ZMYM2: variants seen among roughly 807,000 people sequenced by gnomAD.
ZMYM2 encodes the protein zinc finger MYM-type containing 2, also known as zinc finger MYM-type protein 2.
ZMYM2 carries 56 observed loss-of-function variants against 162.8 expected under a neutral mutation model. The ratio of observed to expected loss-of-function variants is 0.34; its 90% CI spans 0.28 to 0.43. The LOEUF (loss-of-function observed/expected upper bound fraction) is 0.43. Among genes scored for constraint, ZMYM2 ranks in the 20% least tolerant of loss-of-function variants. The pLI, the probability that ZMYM2 is intolerant of heterozygous loss-of-function variation, is 1.00. For synonymous variants in ZMYM2, 510 were observed against 541.6 expected, an observed-to-expected ratio of 0.94 and a Z score of 0.81; for missense variants, 1,275 against 1,621.8, an observed-to-expected ratio of 0.79 and a Z score of 3.67.
intron 2 of ZMYM2, among the ~76,000 whole-genome samples, chr13:19,972,880 G>A (rs1956444346): frequency 6.7e-6 from 1 of 150,330 alleles, no homozygotes; most frequent in Non-Finnish European, 1.5e-5. Context: ...TCGATTTTTT[G>A]TTATAGCTGT....
chr13:19,964,435 G>C (rs892134852), intron 2 of ZMYM2, among the ~76,000 whole-genome samples: 2 of 152,040 alleles, frequency 1.3e-5, no homozygotes, highest in Non-Finnish European at 2.9e-5. Context: ...TGTTTAATAG[G>C]TCGGTTTTTT....
intron 21 of ZMYM2, among the ~76,000 whole-genome samples, chr13:20,078,647 A>AT: frequency 1.3e-5 from 2 of 152,308 alleles, no homozygotes; most frequent in South Asian, 4.1e-4. Flanking sequence ...CCTACAAAGC[A>AT]TTTTTTATCC....
At chr13:20,007,602 G>A (rs112262593) in intron 6 of ZMYM2, among the ~76,000 whole-genome samples, 4 of 147,648 alleles carry the variant, frequency 2.7e-5, no homozygotes, top group African/African-American at 9.9e-5. Flanking sequence ...AAGGTTATAT[G>A]AACTTTCTCC....
At chr13:19,927,356 C>A in the ZMYM2 span, among the ~76,000 whole-genome samples, 1 of 152,138 alleles carries the variant, frequency 6.6e-6, no homozygotes, top group Non-Finnish European at 1.5e-5. Flanking sequence ...ATACTTTAAT[C>A]ACAGAGACAA....
At chr13:19,929,265 G>A in the ZMYM2 span, among the ~76,000 whole-genome samples, 2 of 151,070 alleles carry the variant, frequency 1.3e-5, no homozygotes, top group Non-Finnish European at 2.9e-5. Context: ...TTGAGATGGA[G>A]GCTCACTCTG....
chr13:19,874,209 T>A, the ZMYM2 span, among the ~76,000 whole-genome samples: 1 of 152,054 alleles, frequency 6.6e-6, no homozygotes, highest in Non-Finnish European at 1.5e-5. Context: ...GGGACTTGAT[T>A]TTCTTTATTT....
chr13:20,085,989 A>G lies in ZMYM2; in HGVS notation c.4109A>G (p.Tyr1370Cys), dbSNP rs1261055653. ...LVKDIYDKDN[Y>C]ELDEDTD ...AAAGATATTTATGATAAAGACAATT[A>G]TGAACTGGATGAAGACACAGACTAA... The change falls in exon 25 of 25, where the codon TAT (tyrosine) becomes TGT (cysteine). Residue 1370 changes from tyrosine (Y) to cysteine (C), a missense_variant. Tyr to Cys is a radical substitution (Grantham distance 194). Transcript: ENST00000610343. 6.2e-7 allele frequency: 1 copy of G among 1,613,542 alleles called. No individual in the cohort carries two copies. Among genetic ancestry groups the G allele is most frequent in the Non-Finnish European group, 8.5e-7 (1 of 1,179,662 alleles).
At chr13:20,050,647 G>C (rs1018918717) in intron 12 of ZMYM2, among the ~76,000 whole-genome samples, 2 of 151,986 alleles carry the variant, frequency 1.3e-5, no homozygotes, top group African/African-American at 2.4e-5. Context: ...TTAAGAAATA[G>C]TGAAAATGGG....
Position 20,064,436 on chromosome 13 carries a change from T to C in ZMYM2, c.3038-15T>C. On this transcript the variant is annotated splice_polypyrimidine_tract_variant and intron_variant, in intron 18 of 24. Coordinates refer to ENST00000610343, the MANE Select transcript of ZMYM2 (RefSeq NM_197968.4). Reference sequence around the variant, plus strand: ...GCTATTTCATTTAAAATAAAAGTTCTGATTTGGTTGTCAGCTGCTGAGGAG... The same window carrying C: ...GCTATTTCATTTAAAATAAAAGTTCCGATTTGGTTGTCAGCTGCTGAGGAG... 16 of 1,575,412 alleles carry C rather than the reference T, an allele frequency of 1.0e-5. No homozygotes were observed. The highest frequency in any genetic ancestry group is 1.3e-5 in the Non-Finnish European group (15 of 1,159,278).
the ZMYM2 span, among the ~76,000 whole-genome samples, chr13:19,879,487 C>G: frequency 6.6e-6 from 1 of 152,190 alleles, no homozygotes; most frequent in Non-Finnish European, 1.5e-5. Flanking sequence ...CTTGTGGGCT[C>G]TCTATTCTGT....
At chr13:20,006,232 T>TAA (rs747053429) in intron 5 of ZMYM2, 142 bp from the exon 6 acceptor site, 31,812 of 668,312 alleles carry the variant, frequency 0.048, 1,112 homozygotes, top group African/African-American at 0.27. Context: ...ACCCTGTCTT[T>TAA]AAAAAAAAAA....
At chr13:20,036,970 T>TA (rs1953766535) in intron 12 of ZMYM2, 61 bp downstream of exon 12, 3 of 1,436,650 alleles carry the variant, frequency 2.1e-6, no homozygotes, top group East Asian at 5.0e-5. Context: ...TTGTAGCTGT[T>TA]ACCATTACAA....
intron 10 of ZMYM2, 66 bp from the exon 11 acceptor site, chr13:20,034,188 A>G (rs1953459656): frequency 7.6e-6 from 10 of 1,314,938 alleles, no homozygotes; most frequent in Non-Finnish European, 7.0e-6. Context: ...TGCTTCTGTA[A>G]AAGTGGCGTG....
At chr13:19,991,120 T>G (rs906257963) in intron 2 of ZMYM2, among the ~76,000 whole-genome samples, 13 of 150,222 alleles carry the variant, frequency 8.7e-5, no homozygotes, top group African/African-American at 2.9e-4. Context: ...TGTGTACGTA[T>G]GTGTTTTCTT....
chr13:20,029,954 C>T (rs764772075), intron 9 of ZMYM2, among the ~76,000 whole-genome samples: 1 of 151,026 alleles, frequency 6.6e-6, no homozygotes, highest in Non-Finnish European at 1.5e-5. Flanking sequence ...GCCACCATGC[C>T]TAGCTAATTT....
upstream of ZMYM2, among the ~76,000 whole-genome samples, chr13:19,954,414 C>T (rs1013455477): frequency 1.3e-5 from 2 of 151,752 alleles, no homozygotes; most frequent in African/African-American, 4.8e-5. Flanking sequence ...CCGCGCCTGG[C>T]CTGTTTAAAA....
At chr13:20,054,286 C>T (rs541324567) in intron 14 of ZMYM2, among the ~76,000 whole-genome samples, 38 of 152,294 alleles carry the variant, frequency 2.5e-4, no homozygotes, top group African/African-American at 8.4e-4. Flanking sequence ...GAATACTAAA[C>T]GTGGTGTAAC....
At chr13:19,973,544 G>A (rs1244163223) in intron 2 of ZMYM2, among the ~76,000 whole-genome samples, 2 of 151,522 alleles carry the variant, frequency 1.3e-5, no homozygotes, top group Non-Finnish European at 2.9e-5. Flanking sequence ...GGTGGTGTGC[G>A]CCTGTAGTCC....
intron 21 of ZMYM2, chr13:20,068,153 T>C (rs957344254): frequency 5.5e-6 from 1 of 180,780 alleles, no homozygotes; most frequent in Non-Finnish European, 1.2e-5. Flanking sequence ...AATCACTGTA[T>C]TCAAGGACCA....
Sources: allele counts gnomAD v4.1 joint callset (sites outside exome capture counted in the v4.1 genomes callset), GRCh38; gene constraint gnomAD v4.1.1; transcripts MANE v1.5; gene names NCBI Gene and HGNC (gene_info 2026-07-23, HGNC 2026-07-21).